Variants in SNX29 observed in about 807,000 individuals in gnomAD.
The protein encoded by SNX29 is sorting nexin-29.
In SNX29, 78 loss-of-function variants were observed where a neutral mutation model predicts 102.1. That is an observed-to-expected ratio of 0.76 (90% CI 0.64 to 0.92). The LOEUF (loss-of-function observed/expected upper bound fraction) is 0.92, where lower values mean the gene tolerates loss of function less well. Among genes scored for constraint, SNX29 ranks in the 40% least tolerant of loss-of-function variants. SNX29 has a pLI of 0.00. For synonymous variants in SNX29, 580 were observed against 414.5 expected (o/e 1.40, Z -4.85); for missense variants, 1,280 against 1,061.7 (o/e 1.21, Z -2.86).
At chr16:12,062,462 C>T (rs746094655) in intron 9 of SNX29, among the ~76,000 whole-genome samples, 29 of 151,982 alleles carry the variant, frequency 1.9e-4, no homozygotes, top group Admixed American at 4.6e-4. Context: ...CCATTCCACA[C>T]GGTTGAGCAC....
At chr16:12,439,883 A>T (rs532701312) in intron 18 of SNX29, among the ~76,000 whole-genome samples, 1 of 152,298 alleles carries the variant, frequency 6.6e-6, no homozygotes, top group East Asian at 1.9e-4. Flanking sequence ...TGCTCCCCAG[A>T]TGCCAAGTGG....
chr16:12,111,766 G>T (rs2053511241), intron 11 of SNX29, among the ~76,000 whole-genome samples: 1 of 152,206 alleles, frequency 6.6e-6, no homozygotes, highest in Admixed American at 6.5e-5. Flanking sequence ...GCCTGAGTGA[G>T]AGCGAGAGAT....
intron 19 of SNX29, among the ~76,000 whole-genome samples, chr16:12,480,521 C>G (rs1567607442): frequency 6.6e-6 from 1 of 152,162 alleles, no homozygotes; most frequent in Non-Finnish European, 1.5e-5. Flanking sequence ...TCTCAAGATC[C>G]CTAACTTAAC....
chr16:12,286,631 C>T (rs556242494), intron 15 of SNX29, among the ~76,000 whole-genome samples: 3 of 152,248 alleles, frequency 2.0e-5, no homozygotes, highest in African/African-American at 4.8e-5. Context: ...AGGTGTGAGC[C>T]ACTGTACCCG....
At chr16:12,230,987 T>C (rs374679126) in intron 14 of SNX29, among the ~76,000 whole-genome samples, 2 of 152,122 alleles carry the variant, frequency 1.3e-5, no homozygotes, top group East Asian at 3.9e-4. Context: ...GCTGGGACTA[T>C]CTGTAGGCAT....
chr16:12,109,689 C>T (rs79034261), intron 11 of SNX29, among the ~76,000 whole-genome samples: 2,399 of 152,044 alleles, frequency 0.016, 74 homozygotes, highest in African/African-American at 0.055. Flanking sequence ...TGGAAAGCTC[C>T]TGCAAGAAGG....
intron 13 of SNX29, among the ~76,000 whole-genome samples, chr16:12,131,596 C>T (rs540154385): frequency 1.5e-4 from 23 of 152,150 alleles, no homozygotes; most frequent in Non-Finnish European, 2.6e-4. Flanking sequence ...TTAATATGGT[C>T]AATTTAGCAT....
intron 20 of SNX29, chr16:12,527,420 A>G: frequency 4.5e-6 from 2 of 440,418 alleles, no homozygotes; most frequent in Non-Finnish European, 8.6e-6. Flanking sequence ...AATTATTCTT[A>G]TAAATTTTGA....
chr16:12,508,689 A>G (rs1183073980), intron 19 of SNX29, among the ~76,000 whole-genome samples: 1 of 152,198 alleles, frequency 6.6e-6, no homozygotes, highest in Non-Finnish European at 1.5e-5. Flanking sequence ...TGGCCATTGC[A>G]GTATGGAATT....
intron 4 of SNX29, among the ~76,000 whole-genome samples, chr16:12,030,062 A>G (rs2057297992): frequency 6.6e-6 from 1 of 152,202 alleles, no homozygotes; most frequent in African/African-American, 2.4e-5. Flanking sequence ...GCCTTGGGCA[A>G]TGAGGATCTG....
chr16:12,409,101 C>T lies in SNX29; in HGVS notation c.2037+5572C>T, dbSNP rs575382845. On this transcript the variant is annotated intron_variant, in intron 18 of 20. Coordinates refer to ENST00000566228, the MANE Select transcript of SNX29 (RefSeq NM_032167.5). ...AGGACAAAGTAATATCTGGAGAGTTCCTGATTTTAAGTTTTTCATCCGTGA... is the reference window on the plus strand; with the variant it reads ...AGGACAAAGTAATATCTGGAGAGTTTCTGATTTTAAGTTTTTCATCCGTGA... Among the ~76,000 whole-genome samples, 35 of 152,292 alleles carry T rather than the reference C, an allele frequency of 2.3e-4. No homozygotes were observed. In the South Asian group the frequency reaches 7.2e-3, roughly 32 times the overall value.
Position 12,133,083 on chromosome 16 carries a change from C to T in SNX29, c.1595+3325C>T, listed in dbSNP as rs377212670. Reference sequence around the variant, plus strand: ...GTGTCGCAGGCTGGAAGGTGAGGCTCATTGCGCCGGCGCCATGCTTTCCTC... The same window carrying T: ...GTGTCGCAGGCTGGAAGGTGAGGCTTATTGCGCCGGCGCCATGCTTTCCTC... On this transcript the variant is annotated intron_variant, in intron 13 of 20. Transcript: ENST00000566228. 1.1e-4 allele frequency among the ~76,000 whole-genome samples: 16 copies of T among 152,192 alleles called. No individual in the cohort carries two copies. In the East Asian group the frequency reaches 1.6e-3, roughly 15 times the overall value.
intron 3 of SNX29, among the ~76,000 whole-genome samples, chr16:12,009,679 TTGG>T (rs903235690): frequency 6.6e-6 from 1 of 152,070 alleles, no homozygotes. Flanking sequence ...CTTCTCTTTG[TTGG>T]TGGTGTTTTC....
At chr16:12,370,664 C>T (rs750060477) in intron 16 of SNX29, among the ~76,000 whole-genome samples, 7 of 152,158 alleles carry the variant, frequency 4.6e-5, no homozygotes, top group Non-Finnish European at 7.3e-5. Context: ...CATCTTCCGG[C>T]GTGTTCTGGG....
intron 18 of SNX29, among the ~76,000 whole-genome samples, chr16:12,405,734 G>T (rs1328823781): frequency 6.6e-6 from 1 of 152,138 alleles, no homozygotes; most frequent in Non-Finnish European, 1.5e-5. Context: ...ACTTATTTTA[G>T]AATTAAAAAA....
At chr16:12,563,909 A>G (rs759860662) in intron 20 of SNX29, among the ~76,000 whole-genome samples, 1 of 152,322 alleles carries the variant, frequency 6.6e-6, no homozygotes, top group Admixed American at 6.5e-5. Context: ...TGGAGCAGGC[A>G]GCCGAAGACC....
At chr16:11,982,911 A>T (rs886200326) in intron 1 of SNX29, among the ~76,000 whole-genome samples, 2 of 151,968 alleles carry the variant, frequency 1.3e-5, no homozygotes, top group Admixed American at 6.6e-5. Context: ...GCAGCTTTTT[A>T]TTAAAAAAAA....
intron 1 of SNX29, among the ~76,000 whole-genome samples, chr16:11,983,031 A>G (rs2055459877): frequency 6.6e-6 from 1 of 151,780 alleles, no homozygotes; most frequent in Non-Finnish European, 1.5e-5. Context: ...CCTGGGCTCC[A>G]GTGATTCTCT....
chr16:12,548,292 C>G (rs2077737134), intron 20 of SNX29, among the ~76,000 whole-genome samples: 1 of 152,170 alleles, frequency 6.6e-6, no homozygotes, highest in Admixed American at 6.5e-5. Flanking sequence ...AGGCTGGAAG[C>G]TACTGTCCCT....
Sources: gnomAD v4.1 joint callset for allele counts (sites outside exome capture counted in the v4.1 genomes callset) on GRCh38, gnomAD v4.1.1 for gene constraint, MANE v1.5 for transcripts, NCBI Gene and HGNC (gene_info 2026-07-23, HGNC 2026-07-21) for gene names.